DCST1: variants seen among roughly 807,000 people sequenced by gnomAD.
DCST1 encodes the protein DC-STAMP domain containing 1.
DCST1 carries 78 observed loss-of-function variants against 89.1 expected under a neutral mutation model. That is an observed-to-expected ratio of 0.88 (90% confidence interval 0.73 to 1.06). The LOEUF (loss-of-function observed/expected upper bound fraction) is 1.06. Among genes scored for constraint, DCST1 ranks in the 50% least tolerant of loss-of-function variants. The pLI, the probability that DCST1 is intolerant of heterozygous loss-of-function variation, is 0.00. For missense variants in DCST1, 900 were observed against 928.6 expected (o/e 0.97, Z 0.40); for synonymous variants, 364 against 371.9 (o/e 0.98, Z 0.24).
chr1:155,035,815 A>G (rs950584515), intron 4 of DCST1, among the ~76,000 whole-genome samples: 1 of 152,110 alleles, frequency 6.6e-6, no homozygotes, highest in African/African-American at 2.4e-5. Flanking sequence ...CTGTAGTCCC[A>G]GCTTCTTGGG....
chr1:155,044,502 A>C (rs1360796931), intron 10 of DCST1, among the ~76,000 whole-genome samples: 1 of 151,630 alleles, frequency 6.6e-6, no homozygotes, highest in African/African-American at 2.4e-5. Context: ...AAAAAAAAAA[A>C]AGCTAATGAT....
rs766728250 is a variant in DCST1 at position 155,047,858 on chromosome 1, G to C, written c.1684G>C (p.Val562Leu). Reference sequence around the variant, plus strand: ...AGCTGCAGTACCGATTGGCCTGTTAGTGTGTCTCTGCCTGTTACAGGCTTT... The same window carrying C: ...AGCTGCAGTACCGATTGGCCTGTTACTGTGTCTCTGCCTGTTACAGGCTTT... ...WRAAVPIGLL[V>L]CLCLLQAFGY... is the part of the protein sequence containing the mutation. The change falls in exon 15 of 17, where the codon GTG becomes CTG. Residue 562 changes from valine to leucine, a missense_variant. Val to Leu is a conservative substitution (Grantham distance 32). Transcript: ENST00000295542. 4 of 1,614,220 alleles carry C rather than the reference G, an allele frequency of 2.5e-6. No homozygotes were observed. The East Asian group carries it at 8.9e-5, about 36-fold the overall frequency.
At chr1:155,041,986 G>A in intron 8 of DCST1, 129 bp downstream of exon 8, 2 of 1,289,948 alleles carry the variant, frequency 1.6e-6, no homozygotes, top group African/African-American at 1.5e-5. Flanking sequence ...AGCATCCTTA[G>A]AGCCCTCCAC....
intron 16 of DCST1, among the ~76,000 whole-genome samples, chr1:155,048,792 G>T (rs1040716683): frequency 6.6e-6 from 1 of 152,050 alleles, no homozygotes; most frequent in Admixed American, 6.6e-5. Context: ...GGGCCGCACA[G>T]AAACAGGAGG....
chr1:155,041,960 T>C, intron 8 of DCST1, 103 bp downstream of exon 8: 2 of 1,518,466 alleles, frequency 1.3e-6, no homozygotes, highest in South Asian at 1.3e-5. Context: ...GAGGAGGGTT[T>C]TGGCCCTGAG....
At chr1:155,044,878 T>C (rs1266452875) in intron 10 of DCST1, among the ~76,000 whole-genome samples, 1 of 151,016 alleles carries the variant, frequency 6.6e-6, no homozygotes, top group Non-Finnish European at 1.5e-5. Context: ...CTGGCCCGGG[T>C]AGAGCATGGC....
chr1:155,034,928 G>A (rs1660226939), intron 4 of DCST1: 1 of 609,176 alleles, frequency 1.6e-6, no homozygotes, highest in African/African-American at 1.8e-5. Context: ...TTGCCCTGAG[G>A]GAGTCTCTCC....
At position 155,034,483 on chromosome 1, in the gene DCST1, T is replaced by G. The variant is rs1437112659; in HGVS notation, c.110T>G (p.Phe37Cys). The G allele has an allele frequency of 6.2e-7, 1 of 1,614,022 alleles. No individual in the cohort carries two copies. Among genetic ancestry groups the G allele is most frequent in the Non-Finnish European group, 8.5e-7 (1 of 1,180,030 alleles). ...GGGCTGCCAGTCTCCTGTAGCTGGT[T>G]CCTGTGGCGCCAGCCGGGCGAGTTT... ...TWGLPVSCSW[F>C]LWRQPGEFPV... Residue 37 changes from phenylalanine to cysteine, a missense_variant, in exon 3 of 17, where the codon TTC (phenylalanine) becomes TGC (cysteine). Physicochemically the swap from Phe to Cys is radical, Grantham distance 205 (BLOSUM62 -2). Transcript: ENST00000295542.
In DCST1 at chr1:155,041,446, T is replaced by C. The variant is rs1660437542; in HGVS notation, c.581T>C (p.Phe194Ser). 1.9e-6 allele frequency: 3 copies of C among 1,613,974 alleles called. No homozygotes were observed. The East Asian group carries it at 6.7e-5, about 36-fold the overall frequency. Reference protein sequence around the residue: ...RAETRNISATFEDLDAQVNSE... With the variant: ...RAETRNISATSEDLDAQVNSE... ...GAGACTCGGAACATCTCCGCCACTT[T>C]TGAGGACCTGGATGCCCAGGTGAAT... is the stretch of plus-strand genomic sequence containing the variant. The change falls in exon 7 of 17, where the codon TTT becomes TCT. Residue 194 changes from phenylalanine (F) to serine (S), a missense_variant. Physicochemically the swap from Phe to Ser is radical, Grantham distance 155. Coordinates refer to ENST00000295542, the MANE Select transcript of DCST1 (RefSeq NM_152494.4).
intron 10 of DCST1, 101 bp from the exon 11 acceptor site, chr1:155,045,790 CTG>C: frequency 1.1e-6 from 1 of 936,676 alleles, no homozygotes; most frequent in Non-Finnish European, 1.7e-6. Context: ...TCAATGAATG[CTG>C]GCTGGTTGGT....
At chr1:155,047,164 C>T in intron 13 of DCST1, 32 bp from the exon 14 acceptor site, 10 of 1,572,952 alleles carry the variant, frequency 6.4e-6, no homozygotes, top group Non-Finnish European at 8.7e-6. Flanking sequence ...CTCCACCTGC[C>T]CTGACTTCCC....
Position 155,039,425 on chromosome 1 carries a change from G to T in DCST1, c.285G>T (p.Gly95=). ...SLVGLGAMGW[G]TSPHIRCASL... ...CAGGCTTGGGGGCCATGGGCTGGGG[G>T]ACCTCCCCTCACATCCGCTGTGCCA... is the stretch of plus-strand genomic sequence containing the variant. The change falls in exon 5 of 17, where the codon GGG becomes GGT. Residue 95 remains glycine (G), a synonymous_variant. Transcript: ENST00000295542. 6 of 1,594,010 alleles carry T rather than the reference G, an allele frequency of 3.8e-6. No individual in the cohort carries two copies. Among genetic ancestry groups the T allele is most frequent in the Non-Finnish European group, 5.1e-6 (6 of 1,169,938 alleles).
At chr1:155,049,310 T>C in intron 16 of DCST1, 1 of 470,126 alleles carries the variant, frequency 2.1e-6, no homozygotes, top group Non-Finnish European at 3.8e-6. Flanking sequence ...ATGCATGTTA[T>C]CATTGGGTGA....
At chr1:155,037,141 A>C (rs962291776) in intron 4 of DCST1, among the ~76,000 whole-genome samples, 1 of 152,164 alleles carries the variant, frequency 6.6e-6, no homozygotes, top group Non-Finnish European at 1.5e-5. Flanking sequence ...GTGTGCCAAC[A>C]TCGTCCAGGG....
Position 155,041,504 on chromosome 1 carries a change from G to C in DCST1, c.639G>C (p.Met213Ile). The change falls in exon 7 of 17, where the codon ATG becomes ATC. Residue 213 changes from methionine (M) to isoleucine (I), a missense_variant. Coordinates refer to ENST00000295542, the MANE Select transcript of DCST1 (RefSeq NM_152494.4). ...CGGGCTACACGCCTGAGGATACCAT[G>C]GACTCAGGGGAGACAGCCCAGGGCA... Reference protein sequence around the residue: ...SETGYTPEDTMDSGETAQGRE... With the variant: ...SETGYTPEDTIDSGETAQGRE... 2 of 1,614,040 alleles carry C rather than the reference G, an allele frequency of 1.2e-6. No homozygotes were observed. Among genetic ancestry groups the C allele is most frequent in the Non-Finnish European group, 1.7e-6 (2 of 1,180,022 alleles).
chr1:155,034,792 C>T lies in DCST1; in HGVS notation c.262+65C>T. On this transcript the variant is annotated intron_variant, in intron 4 of 16. Coordinates refer to ENST00000295542, the MANE Select transcript of DCST1 (RefSeq NM_152494.4). ...GTGGAACACAGCGCCGTCCTGCATG[C>T]CCAGGAAGGAGTCGGGACTTGTTTC... 6.4e-6 allele frequency: 10 copies of T among 1,556,240 alleles called. No homozygotes were observed. The Middle Eastern group carries it at 7.0e-4, about 109-fold the overall frequency.
Position 155,033,860 on chromosome 1 carries a change from T to C in DCST1, c.-66+6T>C. 3.9e-6 allele frequency: 5 copies of C among 1,279,778 alleles called. No individual in the cohort carries two copies. The highest frequency in any genetic ancestry group is 5.4e-6 in the Non-Finnish European group (5 of 929,036). The allele number at this position is 1,279,778 out of a possible 1,614,324, so 79.3% of individuals were successfully genotyped here. On this transcript the variant is annotated splice_donor_region_variant and intron_variant, in intron 1 of 16. Transcript: ENST00000295542. ...GAGGACTGGAGAGGGGATAGGTAGG[T>C]CTCTAATCTCCTTCCCCACTTCTCG...
At chr1:155,043,711 A>AT (rs1660512010) in intron 10 of DCST1, among the ~76,000 whole-genome samples, 2 of 152,326 alleles carry the variant, frequency 1.3e-5, no homozygotes, top group African/African-American at 4.8e-5. Flanking sequence ...CCACTGCCTT[A>AT]AAAGGCCAAC....
chr1:155,049,580 A>T (rs1023386236), intron 16 of DCST1, among the ~76,000 whole-genome samples: 3 of 152,116 alleles, frequency 2.0e-5, no homozygotes, highest in African/African-American at 7.2e-5. Context: ...ACGCCCGGCT[A>T]ATTTAGAATT....
Sources: gnomAD v4.1 joint callset for allele counts (sites outside exome capture counted in the v4.1 genomes callset) on GRCh38, gnomAD v4.1.1 for gene constraint, MANE v1.5 for transcripts, NCBI Gene and HGNC (gene_info 2026-07-23, HGNC 2026-07-21) for gene names.